CNTNAP2: variants seen among roughly 807,000 people sequenced by gnomAD.
CNTNAP2 encodes the protein contactin-associated protein-like 2.
In CNTNAP2, 98 loss-of-function variants were observed where a neutral mutation model predicts 155.2. That is an observed-to-expected ratio of 0.63 (90% CI 0.54 to 0.75). The LOEUF (loss-of-function observed/expected upper bound fraction) is 0.75, where lower values mean the gene tolerates loss of function less well. Among genes scored for constraint, CNTNAP2 ranks in the 30% least tolerant of loss-of-function variants. The pLI is 0.00. For missense variants in CNTNAP2, 1,727 were observed against 1,688.1 expected (o/e 1.02, Z -0.40); for synonymous variants, 651 against 631.2 (o/e 1.03, Z -0.47).
At chr7:146,721,851 ACATT>A in intron 1 of CNTNAP2, among the ~76,000 whole-genome samples, 4 of 111,116 alleles carry the variant, frequency 3.6e-5, no homozygotes, top group African/African-American at 2.3e-4. Context: ...TATATATTCT[ACATT>A]TATATGTGTG....
intron 1 of CNTNAP2, among the ~76,000 whole-genome samples, chr7:146,432,356 T>G (rs1584922799): frequency 6.6e-6 from 1 of 152,238 alleles, no homozygotes; most frequent in Non-Finnish European, 1.5e-5. Context: ...TTAAGACATG[T>G]TTTACTTTCT....
intron 21 of CNTNAP2, among the ~76,000 whole-genome samples, chr7:148,290,485 G>T (rs1311103051): frequency 1.3e-5 from 2 of 152,152 alleles, no homozygotes; most frequent in Non-Finnish European, 2.9e-5. Flanking sequence ...CCTTTGTTTT[G>T]ATTCTCATTG....
intron 13 of CNTNAP2, among the ~76,000 whole-genome samples, chr7:147,682,071 G>T (rs987096637): frequency 1.4e-4 from 21 of 151,802 alleles, no homozygotes; most frequent in East Asian, 5.8e-4. Flanking sequence ...TTAAATTTTT[G>T]ATATAATGTA....
intron 10 of CNTNAP2, among the ~76,000 whole-genome samples, chr7:147,410,534 CTTAAAG>C (rs1413512671): frequency 6.6e-6 from 1 of 152,110 alleles, no homozygotes; most frequent in Non-Finnish European, 1.5e-5. Flanking sequence ...AGCACCTGAA[CTTAAAG>C]TTAAAACAAA....
intron 14 of CNTNAP2, among the ~76,000 whole-genome samples, chr7:147,907,898 T>A (rs1025903851): frequency 6.6e-6 from 1 of 151,768 alleles, no homozygotes; most frequent in African/African-American, 2.4e-5. Flanking sequence ...GCCTCCCAAG[T>A]AGCTGGGATT....
intron 1 of CNTNAP2, among the ~76,000 whole-genome samples, chr7:146,699,468 G>A (rs1800838893): frequency 6.6e-6 from 1 of 152,086 alleles, no homozygotes; most frequent in African/African-American, 2.4e-5. Flanking sequence ...TCATAATTAG[G>A]TCTCAGTGTT....
chr7:148,165,376 A>G (rs894531540), intron 17 of CNTNAP2, among the ~76,000 whole-genome samples: 1 of 152,072 alleles, frequency 6.6e-6, no homozygotes, highest in African/African-American at 2.4e-5. Flanking sequence ...GTCACATTGG[A>G]GGTTAGGGAT....
At chr7:146,176,187 G>T (rs573183156) in intron 1 of CNTNAP2, among the ~76,000 whole-genome samples, 1 of 152,250 alleles carries the variant, frequency 6.6e-6, no homozygotes, top group South Asian at 2.1e-4. Context: ...TGCCCTGTAG[G>T]TATGGCATAT....
intron 13 of CNTNAP2, among the ~76,000 whole-genome samples, chr7:147,802,100 G>GAT (rs1798005046): frequency 6.7e-6 from 1 of 150,082 alleles, no homozygotes; most frequent in African/African-American, 2.5e-5. Flanking sequence ...CTTCTCAGAC[G>GAT]GGGCGGCCGG....
chr7:147,315,109 T>C (rs1420333427), intron 9 of CNTNAP2, among the ~76,000 whole-genome samples: 1 of 58,400 alleles, frequency 1.7e-5, no homozygotes, highest in East Asian at 3.6e-4. Flanking sequence ...TAGGGTACTT[T>C]ACAAAAAAAA....
intron 3 of CNTNAP2, among the ~76,000 whole-genome samples, chr7:146,948,365 G>A (rs1797235161): frequency 2.0e-5 from 3 of 151,914 alleles, no homozygotes; most frequent in South Asian, 2.1e-4. Flanking sequence ...ATAATTTTGT[G>A]GTAATTTTTG....
intron 13 of CNTNAP2, among the ~76,000 whole-genome samples, chr7:147,800,228 A>C (rs1797962215): frequency 6.6e-6 from 1 of 152,180 alleles, no homozygotes; most frequent in South Asian, 2.1e-4. Flanking sequence ...TGCTGGATAA[A>C]AATCTTCATC....
chr7:147,975,073 T>TATAATACAATTTTTTGTATTAC (rs1563154396), intron 14 of CNTNAP2, among the ~76,000 whole-genome samples: 2,746 of 102,602 alleles, frequency 0.027, 44 homozygotes, highest in Non-Finnish European at 0.042. Context: ...TTTTGTATTA[T>TATAATACAATTTTTTGTATTAC]GTATAATACA....
chr7:146,822,329 G>C (rs1038660053), intron 2 of CNTNAP2, among the ~76,000 whole-genome samples: 4 of 151,948 alleles, frequency 2.6e-5, no homozygotes, highest in African/African-American at 9.7e-5. Flanking sequence ...TGTGGCGTGG[G>C]GGCAGGGGGG....
chr7:147,985,303 A>C (rs910072576), intron 15 of CNTNAP2, among the ~76,000 whole-genome samples: 3 of 151,494 alleles, frequency 2.0e-5, no homozygotes, highest in African/African-American at 7.3e-5. Context: ...GGGGAGTGGT[A>C]ATCCCTCTGG....
chr7:146,744,179 G>A (rs1801769076), intron 1 of CNTNAP2, among the ~76,000 whole-genome samples: 1 of 127,326 alleles, frequency 7.9e-6, no homozygotes, highest in African/African-American at 3.0e-5. Flanking sequence ...AGTGAACAGA[G>A]ATCGCACTAT....
chr7:146,514,004 C>G (rs1351600867), intron 1 of CNTNAP2, among the ~76,000 whole-genome samples: 1 of 151,844 alleles, frequency 6.6e-6, no homozygotes, highest in Admixed American at 6.6e-5. Context: ...TTTATATATC[C>G]TTTTTTTAAC....
At chr7:146,642,528 C>T (rs538896188) in intron 1 of CNTNAP2, among the ~76,000 whole-genome samples, 7,838 of 150,914 alleles carry the variant, frequency 0.052, 484 homozygotes, top group African/African-American at 0.15. Flanking sequence ...ATGGTGTATA[C>T]GTGCCACATT....
intron 1 of CNTNAP2, among the ~76,000 whole-genome samples, chr7:146,656,433 G>C (rs947970600): frequency 6.6e-6 from 1 of 152,202 alleles, no homozygotes; most frequent in Non-Finnish European, 1.5e-5. Flanking sequence ...AAACCGCTCA[G>C]TGTTAGAAAT....
Sources: allele counts gnomAD v4.1 joint callset (sites outside exome capture counted in the v4.1 genomes callset), GRCh38; gene constraint gnomAD v4.1.1; transcripts MANE v1.5; gene names NCBI Gene and HGNC (gene_info 2026-07-23, HGNC 2026-07-21).